The following SIN3A variants were observed in gnomAD, a reference collection of about 807,000 sequenced individuals.
SIN3A encodes paired amphipathic helix protein Sin3a.
In SIN3A, 14 loss-of-function variants were observed where a neutral mutation model predicts 146.1. The ratio of observed to expected loss-of-function variants is 0.10; its 90% CI spans 0.06 to 0.15. The LOEUF is 0.15. SIN3A is among the 10% of genes least tolerant of loss of function. The pLI is 1.00. For synonymous variants in SIN3A, 572 were observed against 572.0 expected, an observed-to-expected ratio of 1.00 and a Z score of 0.00; for missense variants, 1,028 against 1,576.0, an observed-to-expected ratio of 0.65 and a Z score of 5.89.
intron 8 of SIN3A, among the ~76,000 whole-genome samples, 191 bp from the exon 9 acceptor site, chr15:75,407,335 A>G (rs1189647625): frequency 6.6e-6 from 1 of 152,204 alleles, no homozygotes; most frequent in Non-Finnish European, 1.5e-5. Flanking sequence ...CAGTTTGCCT[A>G]TTAAGTTTCT....
chr15:75,426,747 T>C (rs1006037125), intron 2 of SIN3A, among the ~76,000 whole-genome samples: 2 of 151,786 alleles, frequency 1.3e-5, no homozygotes, highest in African/African-American at 2.4e-5. Flanking sequence ...CTGGGAAACA[T>C]GGTGAAACTC....
In SIN3A at chr15:75,394,831, G is replaced by C. The variant is rs2073273157; in HGVS notation, c.2126C>G (p.Ala709Gly). ...LKMKEEEWRE[A>G]QRGFNKVWRE... The stretch of plus-strand genomic sequence containing the variant: ...CCATACTTTGTTAAAGCCTCTCTGA[G>C]CTTCTCGCCATTCTTCCTCTTTCAT... The change falls in exon 14 of 21, where the codon GCT becomes GGT. Residue 709 changes from alanine (A) to glycine (G), a missense_variant. Physicochemically the swap from Ala to Gly is moderately conservative, Grantham distance 60 (BLOSUM62 0). Around this residue, in one of 9 missense-constraint regions of SIN3A, gnomAD observed 2 missense variants for 22.5 expected, o/e 0.09. Coordinates refer to ENST00000394947, the MANE Select transcript of SIN3A (RefSeq NM_001145358.2). 6.2e-7 allele frequency: 1 copy of C among 1,613,930 alleles called. No homozygotes were observed. Among genetic ancestry groups the C allele is most frequent in the Non-Finnish European group, 8.5e-7 (1 of 1,179,934 alleles).
Position 75,430,418 on chromosome 15 carries a change from C to A in SIN3A, c.-33-10G>T. 1.3e-6 allele frequency: 2 copies of A among 1,557,832 alleles called. No individual in the cohort carries two copies. Among genetic ancestry groups the A allele is most frequent in the Non-Finnish European group, 1.7e-6 (2 of 1,152,996 alleles). On this transcript the variant is annotated splice_polypyrimidine_tract_variant and intron_variant, in intron 1 of 20. Transcript: ENST00000394947. ...GGATGCACTACAAAACCTGCAGAAA[C>A]CAAAAGCAATAGCATGCAAGTCAAT...
intron 19 of SIN3A, chr15:75,376,077 C>T: frequency 1.7e-6 from 1 of 600,524 alleles, no homozygotes; most frequent in Non-Finnish European, 2.9e-6. Context: ...TTCACCCATC[C>T]CCTACTTGAC....
At chr15:75,445,380 CA>C (rs10539996) in intron 1 of SIN3A, among the ~76,000 whole-genome samples, 3,053 of 63,488 alleles carry the variant, frequency 0.048, 47 homozygotes, top group African/African-American at 0.089. Context: ...GACACTGTCT[CA>C]AAAAAAAAAA....
intron 17 of SIN3A, among the ~76,000 whole-genome samples, chr15:75,383,629 C>A (rs572930241): frequency 6.6e-6 from 1 of 151,850 alleles, no homozygotes; most frequent in Non-Finnish European, 1.5e-5. Context: ...CCCGGGTTCA[C>A]GCCATTCTCC....
Position 75,413,045 on chromosome 15 carries a change from G to C in SIN3A, c.474C>G (p.Ser158Arg). 1 of 1,589,614 alleles carries C rather than the reference G, an allele frequency of 6.3e-7. No homozygotes were observed. ...GACTAATCACTCCTGGGGTGTCGATGCTGATAAAAAACAAAAAGAAAAGTG... is the reference window on the plus strand; with the variant it reads ...GACTAATCACTCCTGGGGTGTCGATCCTGATAAAAAACAAAAAGAAAAGTG... ...LDIMKEFKSQ[S>R]IDTPGVISRV... The change falls in exon 5 of 21, where the codon AGC becomes AGG. Residue 158 changes from serine to arginine, a missense_variant and splice_region_variant. Ser to Arg is a moderately radical substitution (Grantham distance 110). This residue lies in a region of SIN3A where 152 missense variants were observed against 231.5 expected (regional missense o/e 0.66). Coordinates refer to ENST00000394947, the MANE Select transcript of SIN3A (RefSeq NM_001145358.2).
At chr15:75,422,571 C>A in intron 3 of SIN3A, 76 bp downstream of exon 3, 1 of 1,512,932 alleles carries the variant, frequency 6.6e-7, no homozygotes, top group Non-Finnish European at 9.2e-7. Context: ...GTTGTACCAC[C>A]ACAACCAACA....
rs2073990760 is a variant in SIN3A at position 75,430,140 on chromosome 15, A to G, written c.189+47T>C. ...AAAAGTTTTATAATTGCCTAAAACC[A>G]CTATTTCTCTTCCCTCATTCTAGTC... is the stretch of plus-strand genomic sequence containing the variant. On this transcript the variant is annotated intron_variant, in intron 2 of 20. Transcript: ENST00000394947. The G allele has an allele frequency of 3.4e-6, 5 of 1,485,540 alleles. No individual in the cohort carries two copies. In the South Asian group the frequency reaches 4.6e-5, roughly 14 times the overall value. The allele number at this position is 1,485,540 out of a possible 1,614,324, so 92.0% of individuals were successfully genotyped here. A position where few individuals can be genotyped will look rare whatever the true frequency, so the allele number is the denominator to read the frequency against.
At chr15:75,448,880 GAA>G (rs995220332) in intron 1 of SIN3A, among the ~76,000 whole-genome samples, 4 of 151,768 alleles carry the variant, frequency 2.6e-5, no homozygotes, top group Admixed American at 1.3e-4. Flanking sequence ...CCTTAAAAAA[GAA>G]AAAAAGTCTT....
upstream of SIN3A, chr15:75,455,755 G>C (rs2074479337): frequency 6.6e-6 from 1 of 152,226 alleles, no homozygotes; most frequent in African/African-American, 2.4e-5. Flanking sequence ...CTGAGATTGG[G>C]GGGACCAAAT....
intron 2 of SIN3A, 74 bp downstream of exon 2, chr15:75,430,111 TAA>T (rs1402704030): frequency 8.7e-7 from 1 of 1,152,478 alleles, no homozygotes; most frequent in South Asian, 1.4e-5. Flanking sequence ...AACACAGTAT[TAA>T]AAAAAGTTTT....
In SIN3A at chr15:75,392,477, T is replaced by G; in HGVS notation, c.2616A>C (p.Ala872=). The G allele has an allele frequency of 6.2e-7, 1 of 1,614,254 alleles. No individual in the cohort carries two copies. The highest frequency in any genetic ancestry group is 1.3e-5 in the African/African-American group (1 of 75,074). The part of the protein sequence containing the change: ...PKSKLLFSNT[A]AQKLRGMDEV... ...CATCCATTCCTCTTAATTTTTGAGC[T>G]GCTGTGTTACTAAACAGTAACTTGG... Residue 872 remains alanine, a synonymous_variant, in exon 15 of 21, where the codon GCA becomes GCC. Transcript: ENST00000394947.
At chr15:75,413,959 T>A (rs2073689954) in intron 4 of SIN3A, among the ~76,000 whole-genome samples, 1 of 152,190 alleles carries the variant, frequency 6.6e-6, no homozygotes, top group Non-Finnish European at 1.5e-5. Context: ...TCACTACCAG[T>A]GCTACTTCCC....
intron 8 of SIN3A, among the ~76,000 whole-genome samples, chr15:75,408,566 C>T (rs928488460): frequency 1.3e-5 from 2 of 152,222 alleles, no homozygotes; most frequent in African/African-American, 4.8e-5. Flanking sequence ...ACAACTAGCC[C>T]TCTCCCTATC....
In SIN3A at chr15:75,402,531, T is replaced by A. The variant is rs552764263; in HGVS notation, c.1408-561A>T. 2.1e-3 allele frequency among the ~76,000 whole-genome samples: 324 copies of A among 152,044 alleles called. 2 individuals carry two copies. Among genetic ancestry groups the A allele is most frequent in the African/African-American group, 7.3e-3 (302 of 41,504 alleles). On this transcript the variant is annotated intron_variant, in intron 9 of 20. Transcript: ENST00000394947. ...AGACTCTGTCTCATAAGTAAAAAAA[T>A]AAAATAAAAACGGGGAAATTTAAAC...
Position 75,410,148 on chromosome 15 carries a change from C to A in SIN3A, c.1147G>T (p.Ala383Ser). ...LSEFGQFLPDANSSVLLSKTT... is the reference protein window; with the variant it reads ...LSEFGQFLPDSNSSVLLSKTT... Reference sequence around the variant, plus strand: ...AAAAAACATACCACGGAGCTGTTGGCATCTGGTAGGAATTGTCCAAACTCT... The same window carrying A: ...AAAAAACATACCACGGAGCTGTTGGAATCTGGTAGGAATTGTCCAAACTCT... Residue 383 changes from alanine to serine, a missense_variant, in exon 7 of 21, where the codon GCC (alanine) becomes TCC (serine). Ala to Ser is a moderately conservative substitution (Grantham distance 99). This residue lies in a region of SIN3A where 40 missense variants were observed against 74.0 expected (regional missense o/e 0.54). Coordinates refer to ENST00000394947, the MANE Select transcript of SIN3A (RefSeq NM_001145358.2). 1 of 1,613,964 alleles carries A rather than the reference C, an allele frequency of 6.2e-7. No individual in the cohort carries two copies. The highest frequency in any genetic ancestry group is 2.2e-5 in the East Asian group (1 of 44,884).
chr15:75,399,627 G>C (rs2073374222), intron 12 of SIN3A, among the ~76,000 whole-genome samples: 1 of 152,192 alleles, frequency 6.6e-6, no homozygotes, highest in Non-Finnish European at 1.5e-5. Context: ...GAGCTGGTTT[G>C]CTAACCATGG....
At chr15:75,407,026 C>CTA in intron 9 of SIN3A, 29 bp downstream of exon 9, 1 of 1,480,576 alleles carries the variant, frequency 6.8e-7, no homozygotes. Flanking sequence ...TTAACAGGCA[C>CTA]TATCAAATCT....
Sources: gnomAD v4.1 joint callset for allele counts (sites outside exome capture counted in the v4.1 genomes callset) on GRCh38, gnomAD v4.1.1 for gene constraint, gnomAD v4.1.1 regional missense constraint, MANE v1.5 for transcripts, NCBI Gene and HGNC (gene_info 2026-07-23, HGNC 2026-07-21) for gene names.